Variants in SYNPO2 observed in about 807,000 individuals in gnomAD.
SYNPO2 encodes the protein synaptopodin-2.
A neutral mutation model predicts 85.0 loss-of-function variants in SYNPO2; 56 were observed. The ratio of observed to expected loss-of-function variants is 0.66; its 90% CI spans 0.53 to 0.82. The LOEUF is 0.82. Among genes scored for constraint, SYNPO2 ranks in the 40% least tolerant of loss-of-function variants. The pLI, the probability that SYNPO2 is intolerant of heterozygous loss-of-function variation, is 0.00. For missense variants in SYNPO2, 1,575 were observed against 1,534.2 expected (o/e 1.03, Z -0.44); for synonymous variants, 602 against 591.1 (o/e 1.02, Z -0.27).
intron 1 of SYNPO2, among the ~76,000 whole-genome samples, chr4:118,865,180 C>G (rs1303763526): frequency 6.6e-6 from 1 of 152,166 alleles, no homozygotes; most frequent in East Asian, 1.9e-4. Flanking sequence ...GAGACTGGTT[C>G]TGCAAGTGTT....
intron 1 of SYNPO2, among the ~76,000 whole-genome samples, chr4:118,858,969 C>T (rs565778169): frequency 6.6e-6 from 1 of 152,278 alleles, no homozygotes; most frequent in South Asian, 2.1e-4. Flanking sequence ...GTAGTGGAGG[C>T]GTTATCTAGA....
At chr4:118,915,438 A>G (rs184700195) in intron 1 of SYNPO2, among the ~76,000 whole-genome samples, 68 of 152,308 alleles carry the variant, frequency 4.5e-4, no homozygotes, top group African/African-American at 1.6e-3. Flanking sequence ...TTAAAAGGGT[A>G]CCATGCTGTA....
intron 1 of SYNPO2, among the ~76,000 whole-genome samples, chr4:118,969,893 A>C (rs1360374463): frequency 6.6e-6 from 1 of 152,150 alleles, no homozygotes; most frequent in Non-Finnish European, 1.5e-5. Context: ...GAAGTGTAAT[A>C]GAATTTCATT....
intron 1 of SYNPO2, among the ~76,000 whole-genome samples, chr4:118,999,688 C>T (rs985398889): frequency 3.3e-5 from 5 of 152,110 alleles, no homozygotes; most frequent in Non-Finnish European, 7.4e-5. Context: ...AATAATACCT[C>T]TTCCTGGGGA....
chr4:118,857,018 G>T (rs1731519067), intron 1 of SYNPO2, among the ~76,000 whole-genome samples: 2 of 151,876 alleles, frequency 1.3e-5, no homozygotes, highest in Non-Finnish European at 2.9e-5. Flanking sequence ...ATAGCCCACA[G>T]TATAGACTTT....
At chr4:118,949,380 A>G (rs906722108) in intron 1 of SYNPO2, among the ~76,000 whole-genome samples, 2 of 152,158 alleles carry the variant, frequency 1.3e-5, no homozygotes, top group African/African-American at 4.8e-5. Context: ...TGGTAGTCCA[A>G]CTTCCTTCCA....
intron 1 of SYNPO2, among the ~76,000 whole-genome samples, chr4:119,013,020 A>G (rs1435000829): frequency 6.6e-6 from 1 of 152,166 alleles, no homozygotes; most frequent in African/African-American, 2.4e-5. Flanking sequence ...TTATTCTCAA[A>G]GTGTCATCTG....
At chr4:118,974,461 C>T (rs1735649794) in intron 1 of SYNPO2, among the ~76,000 whole-genome samples, 2 of 152,242 alleles carry the variant, frequency 1.3e-5, no homozygotes, top group Non-Finnish European at 2.9e-5. Flanking sequence ...TGACTTCCCT[C>T]ACAGTTCACT....
rs1383392806 is a variant in SYNPO2 at position 119,057,969 on chromosome 4, T to A, written c.*35T>A. Reference sequence around the variant, plus strand: ...GAACGGATCATGTGCCAACTGTAGTTTTTTAAAAAAAACGCTCCTTTGTAG... The same window carrying A: ...GAACGGATCATGTGCCAACTGTAGTATTTTAAAAAAAACGCTCCTTTGTAG... On this transcript the variant is annotated 3_prime_UTR_variant, in exon 5 of 5. Transcript: ENST00000307142. 6.4e-7 allele frequency: 1 copy of A among 1,555,408 alleles called. No homozygotes were observed. Among genetic ancestry groups the A allele is most frequent in the Non-Finnish European group, 8.6e-7 (1 of 1,159,770 alleles).
chr4:119,025,964 G>T (rs1737918013), intron 2 of SYNPO2, among the ~76,000 whole-genome samples: 1 of 152,118 alleles, frequency 6.6e-6, no homozygotes, highest in Non-Finnish European at 1.5e-5. Flanking sequence ...AAAAGAAAAT[G>T]CTCCAAGAAA....
At chr4:119,032,099 T>C in intron 4 of SYNPO2, 72 bp downstream of exon 4, 1 of 1,564,326 alleles carries the variant, frequency 6.4e-7, no homozygotes, top group Non-Finnish European at 8.7e-7. Context: ...TTGAAATGAA[T>C]TGTTTGCAGT....
chr4:119,036,409 G>A lies in SYNPO2; in HGVS notation c.3252+4382G>A, dbSNP rs2149194588. 3.0e-6 allele frequency: 3 copies of A among 985,324 alleles called. No individual in the cohort carries two copies. In the South Asian group the frequency reaches 1.4e-4, roughly 46 times the overall value. The allele number at this position is 985,324 out of a possible 1,614,324, so 61.0% of individuals were successfully genotyped here. A position where few individuals can be genotyped will look rare whatever the true frequency, so the allele number is the denominator to read the frequency against. The stretch of plus-strand genomic sequence containing the variant: ...GGTCCACATATCATTGGACTCTGGG[G>A]GACACAAAGATGCCTGTGACACTTT... On this transcript the variant is annotated intron_variant, in intron 4 of 4. Coordinates refer to ENST00000307142, the MANE Select transcript of SYNPO2 (RefSeq NM_133477.3).
At chr4:118,948,284 A>G (rs1734572887) in intron 1 of SYNPO2, among the ~76,000 whole-genome samples, 1 of 152,220 alleles carries the variant, frequency 6.6e-6, no homozygotes. Context: ...ACTCAGCAGT[A>G]GGACTAAAAT....
intron 1 of SYNPO2, among the ~76,000 whole-genome samples, chr4:118,867,859 T>C (rs1459252581): frequency 1.3e-5 from 2 of 152,228 alleles, no homozygotes; most frequent in South Asian, 2.1e-4. Context: ...TCATTTATTA[T>C]TAAGGCAGGA....
At chr4:118,899,978 C>T (rs4561916) in intron 1 of SYNPO2, among the ~76,000 whole-genome samples, 121,910 of 152,002 alleles carry the variant, frequency 0.8, 49,003 homozygotes, top group Middle Eastern at 0.89. Context: ...GCCAGGCTGG[C>T]CTGGAACTCC....
intron 1 of SYNPO2, among the ~76,000 whole-genome samples, chr4:118,960,426 A>T (rs1286713366): frequency 6.6e-6 from 1 of 152,222 alleles, no homozygotes; most frequent in African/African-American, 2.4e-5. Context: ...ACTAGCTCAT[A>T]TTGCTGGTGA....
At chr4:118,926,310 T>G (rs1246123070) in intron 1 of SYNPO2, among the ~76,000 whole-genome samples, 1 of 152,120 alleles carries the variant, frequency 6.6e-6, no homozygotes, top group African/African-American at 2.4e-5. Context: ...ACATAATTCT[T>G]GAGTCCTGGT....
intron 1 of SYNPO2, among the ~76,000 whole-genome samples, chr4:118,920,988 C>G (rs965852538): frequency 2.0e-5 from 3 of 151,882 alleles, no homozygotes; most frequent in Non-Finnish European, 4.4e-5. Context: ...ATGTCAGACT[C>G]CTGGGATCTG....
chr4:118,998,995 T>C (rs1736725995), intron 1 of SYNPO2, among the ~76,000 whole-genome samples: 1 of 152,250 alleles, frequency 6.6e-6, no homozygotes, highest in Non-Finnish European at 1.5e-5. Context: ...CCGTGTGATC[T>C]TGGGCAAGCC....
Sources: gnomAD v4.1 joint callset for allele counts (sites outside exome capture counted in the v4.1 genomes callset) on GRCh38, gnomAD v4.1.1 for gene constraint, MANE v1.5 for transcripts, NCBI Gene and HGNC (gene_info 2026-07-23, HGNC 2026-07-21) for gene names.